ZNF20: variants seen among roughly 807,000 people sequenced by gnomAD.
ZNF20 encodes zinc finger protein KOX13.
ZNF20 carries 9 observed loss-of-function variants against 11.0 expected under a neutral mutation model. That is an observed-to-expected ratio of 0.82 (90% CI 0.49 to 1.43). ZNF20 has a LOEUF of 1.43. Ranked by LOEUF, ZNF20 falls within the 40% of genes most tolerant of loss-of-function variation. The pLI, the probability that ZNF20 is intolerant of heterozygous loss-of-function variation, is 0.00. For missense variants in ZNF20, 528 were observed against 640.8 expected (o/e 0.82, Z 1.90); for synonymous variants, 182 against 213.0 (o/e 0.85, Z 1.27).
chr19:12,140,109 C>T (rs1489583130), intron 1 of ZNF20, 71 bp downstream of exon 1: 5 of 1,555,446 alleles, frequency 3.2e-6, no homozygotes, highest in Non-Finnish European at 4.4e-6. Context: ...GCCCAGATCC[C>T]ACCACAGCCG....
rs1976699388 is a variant in ZNF20 at position 12,135,718 on chromosome 19, C to T, written c.139+51G>A. The T allele has an allele frequency of 1.1e-5, 17 of 1,607,942 alleles. No individual in the cohort carries two copies. The South Asian group carries it at 1.9e-4, about 18-fold the overall frequency. The stretch of plus-strand genomic sequence containing the variant: ...CAAATCAATGAACAGCATTGATGAG[C>T]TAGAAGCATTTGTTCTCTAATTCAC... On this transcript the variant is annotated intron_variant, in intron 2 of 3. Coordinates refer to ENST00000334213, the MANE Select transcript of ZNF20 (RefSeq NM_021143.4).
chr19:12,132,932 A>G lies in ZNF20; in HGVS notation c.1254T>C (p.Thr418=), dbSNP rs140674699. Residue 418 remains threonine (T), a synonymous_variant, in exon 4 of 4, where the codon ACT becomes ACC. Transcript: ENST00000334213. ...GCTTACATTCATGGGGCTTCTCTCC[A>G]GTGTGCGTCCTTTCATGTATACGCA... ...SSLRIHERTH[T]GEKPHECKQC... 1,727 of 1,614,194 alleles carry G rather than the reference A, an allele frequency of 1.1e-3. 20 individuals are homozygous for G. Among genetic ancestry groups the G allele is most frequent in the South Asian group, 9.9e-3 (902 of 91,082 alleles).
rs745939117 is a variant in ZNF20, at chr19:12,133,674, T to C, written c.512A>G (p.Tyr171Cys). ...GGTTTCTGTACATTCTTTACCATCA[T>C]AGGGTTTCTCTTTAGTGCAAGCTTT... is the stretch of plus-strand genomic sequence containing the variant. ...HDKACTKEKP[Y>C]DGKECTETFI... The change falls in exon 4 of 4, where the codon TAT (tyrosine) becomes TGT (cysteine). Residue 171 changes from tyrosine to cysteine, a missense_variant. Tyr to Cys is a radical substitution (Grantham distance 194). Coordinates refer to ENST00000334213, the MANE Select transcript of ZNF20 (RefSeq NM_021143.4). 2.5e-6 allele frequency: 4 copies of C among 1,614,230 alleles called. No individual in the cohort carries two copies. Among genetic ancestry groups the C allele is most frequent in the South Asian group, 1.1e-5 (1 of 91,088 alleles).
rs550933841 is a variant in ZNF20 at position 12,133,795 on chromosome 19, T to C, written c.391A>G (p.Lys131Glu). ...CCATATTCCTGATACTCAGATGACT[T>C]GTGTCCAGTGTCAGCTCTGATATGC... is the stretch of plus-strand genomic sequence containing the variant. ...NTHIRADTGH[K>E]SSEYQEYGEN... The change falls in exon 4 of 4, where the codon AAG (lysine) becomes GAG (glutamate). Residue 131 changes from lysine to glutamate, a missense_variant. By Grantham distance (56) the Lys-to-Glu change is moderately conservative. Transcript: ENST00000334213. 1.3e-4 allele frequency: 205 copies of C among 1,614,090 alleles called. No homozygotes were observed. Among genetic ancestry groups the C allele is most frequent in the Non-Finnish European group, 1.7e-4 (201 of 1,180,038 alleles).
At chr19:12,135,263 C>T (rs559917543) in intron 3 of ZNF20, among the ~76,000 whole-genome samples, 2 of 152,142 alleles carry the variant, frequency 1.3e-5, no homozygotes, top group East Asian at 1.9e-4. Flanking sequence ...CCTCAGCCTC[C>T]CAAGTAGCTG....
rs1307554437 is a variant in ZNF20, at chr19:12,132,105, C to T, written c.*482G>A. 1 of 156,954 alleles carries T rather than the reference C, an allele frequency of 6.4e-6. No homozygotes were observed. The highest frequency in any genetic ancestry group is 1.4e-5 in the Non-Finnish European group (1 of 71,114). The allele number at this position is 156,954 out of a possible 1,614,324, so 9.7% of individuals were successfully genotyped here. ...CTCAATCTATAGAAGAGTTGGGCAT[C>T]AGTGAGTATTTCCAGCCATAACAAC... On this transcript the variant is annotated 3_prime_UTR_variant, in exon 4 of 4. Coordinates refer to ENST00000334213, the MANE Select transcript of ZNF20 (RefSeq NM_021143.4).
intron 1 of ZNF20, among the ~76,000 whole-genome samples, chr19:12,138,107 G>A (rs1874448474): frequency 6.6e-6 from 1 of 152,134 alleles, no homozygotes; most frequent in Admixed American, 6.6e-5. Context: ...CCCAGGACCA[G>A]GAAAAGATAG....
chr19:12,139,171 A>G lies in ZNF20; in HGVS notation c.3+1009T>C, dbSNP rs973600410. Among the ~76,000 whole-genome samples, 2 of 152,150 alleles carry G rather than the reference A, an allele frequency of 1.3e-5. No homozygotes were observed. The highest frequency in any genetic ancestry group is 4.8e-5 in the African/African-American group (2 of 41,434). ...ACTTCAGCTATGAAAGGAAATACCTACTCCATAGGGCGTAAGCCAAGTAAA... is the reference window on the plus strand; with the variant it reads ...ACTTCAGCTATGAAAGGAAATACCTGCTCCATAGGGCGTAAGCCAAGTAAA... On this transcript the variant is annotated intron_variant, in intron 1 of 3. Transcript: ENST00000334213. The surrounding 1 kb of genome is among the most constrained non-coding windows in gnomAD (Gnocchi z 4.0).
At position 12,133,593 on chromosome 19, in the gene ZNF20, G is replaced by A. The variant is rs370109492; in HGVS notation, c.593C>T (p.Pro198Leu). 6.2e-7 allele frequency: 1 copy of A among 1,614,162 alleles called. No homozygotes were observed. The highest frequency in any genetic ancestry group is 8.5e-7 in the Non-Finnish European group (1 of 1,180,038). The change falls in exon 4 of 4, where the codon CCT (proline) becomes CTT (leucine). Residue 198 changes from proline to leucine, a missense_variant. Transcript: ENST00000334213. ...TTTCCCACAAAACTTACATTTATAAGGTCCATCTCCACTGTGCATTACCCT... is the reference window on the plus strand; with the variant it reads ...TTTCCCACAAAACTTACATTTATAAAGTCCATCTCCACTGTGCATTACCCT... ...RHRVMHSGDG[P>L]YKCKFCGKAF...
In ZNF20 at chr19:12,139,369, T is replaced by C. The variant is rs1189399576; in HGVS notation, c.3+811A>G. Among the ~76,000 whole-genome samples, 1 of 152,192 alleles carries C rather than the reference T, an allele frequency of 6.6e-6. No homozygotes were observed. Among genetic ancestry groups the C allele is most frequent in the African/African-American group, 2.4e-5 (1 of 41,442 alleles). ...AGTGTTAAATCCCTTCATTCCTTCCTTGCTTTGTGCGTTTTGTCCAATTCT... is the reference window on the plus strand; with the variant it reads ...AGTGTTAAATCCCTTCATTCCTTCCCTGCTTTGTGCGTTTTGTCCAATTCT... On this transcript the variant is annotated intron_variant, in intron 1 of 3. Coordinates refer to ENST00000334213, the MANE Select transcript of ZNF20 (RefSeq NM_021143.4). This position sits in a 1 kb window ranked among gnomAD's most constrained non-coding sequence, Gnocchi z 4.0.
chr19:12,140,003 G>A (rs1339821852), intron 1 of ZNF20, among the ~76,000 whole-genome samples, 177 bp downstream of exon 1: 2 of 152,166 alleles, frequency 1.3e-5, no homozygotes, highest in African/African-American at 4.8e-5. Flanking sequence ...CCGGGGTCCC[G>A]GCTGCCGGCC....
In ZNF20 at chr19:12,140,320, A is replaced by G. The variant is rs1209999438; in HGVS notation, c.-138T>C. 1.8e-6 allele frequency: 2 copies of G among 1,105,246 alleles called. No homozygotes were observed. The highest frequency in any genetic ancestry group is 2.7e-6 in the Non-Finnish European group (2 of 742,352). The allele number at this position is 1,105,246 out of a possible 1,614,324, so 68.5% of individuals were successfully genotyped here. The stretch of plus-strand genomic sequence containing the variant: ...GGAGTAGGAAATCTGGTATCCCGAC[A>G]ACAACCTGCATAGCAACAAAAGTAG... On this transcript the variant is annotated 5_prime_UTR_variant, in exon 1 of 4. Coordinates refer to ENST00000334213, the MANE Select transcript of ZNF20 (RefSeq NM_021143.4).
chr19:12,135,566 A>C lies in ZNF20; in HGVS notation c.140-6T>G, dbSNP rs781017326. 3.1e-6 allele frequency: 5 copies of C among 1,612,446 alleles called. No homozygotes were observed. The East Asian group carries it at 8.9e-5, about 29-fold the overall frequency. On this transcript the variant is annotated splice_region_variant and splice_polypyrimidine_tract_variant and intron_variant, in intron 2 of 3. Transcript: ENST00000334213. ...CTGAACTTTCCATGTTTTTCCTAAA[A>C]CACAGACCCGGAGAAAACACAGATC...
rs1249262209 is a variant in ZNF20, at chr19:12,139,720, C to T, written c.3+460G>A. ...TAATTTTTTGTATTTTTAGTAGAGACGGGGTTTCACTGTGTTAGCCTGGAT... is the reference window on the plus strand; with the variant it reads ...TAATTTTTTGTATTTTTAGTAGAGATGGGGTTTCACTGTGTTAGCCTGGAT... On this transcript the variant is annotated intron_variant, in intron 1 of 3. Transcript: ENST00000334213. The surrounding 1 kb of genome is among the most constrained non-coding windows in gnomAD (Gnocchi z 4.0). Among the ~76,000 whole-genome samples the T allele has an allele frequency of 6.6e-6, 1 of 151,860 alleles. No homozygotes were observed. Among genetic ancestry groups the T allele is most frequent in the Non-Finnish European group, 1.5e-5 (1 of 67,962 alleles).
chr19:12,133,654 CTG>C lies in ZNF20; in HGVS notation c.530_531del (p.Thr177ArgfsTer23). 2 of 1,614,182 alleles carry C rather than the reference CTG, an allele frequency of 1.2e-6. No individual in the cohort carries two copies. Among genetic ancestry groups the C allele is most frequent in the Non-Finnish European group, 1.7e-6 (2 of 1,180,026 alleles). ...ATGCATGAATGGGAAATGAAGGTTT[CTG>C]TACATTCTTTACCATCATAGGGTTT... The part of the protein sequence containing the change: ...KEKPYDGKEC[T>X]ETFISHSCIQ... On this transcript the variant is annotated frameshift_variant, in exon 4 of 4. Coordinates refer to ENST00000334213, the MANE Select transcript of ZNF20 (RefSeq NM_021143.4). LOFTEE classifies it low-confidence loss of function (END_TRUNC).
rs902325169 is a variant in ZNF20, at chr19:12,139,819, C to T, written c.3+361G>A. ...TGCTGGGATTACAAGCATGGTCCAC[C>T]GCGCCCGGCCCAAACTCTTTAACAG... On this transcript the variant is annotated intron_variant, in intron 1 of 3. Coordinates refer to ENST00000334213, the MANE Select transcript of ZNF20 (RefSeq NM_021143.4). This position sits in a 1 kb window ranked among gnomAD's most constrained non-coding sequence, Gnocchi z 4.0. 6.6e-6 allele frequency among the ~76,000 whole-genome samples: 1 copy of T among 152,096 alleles called. No homozygotes were observed. The highest frequency in any genetic ancestry group is 1.5e-5 in the Non-Finnish European group (1 of 68,002).
Position 12,133,696 on chromosome 19 carries a change from C to T in ZNF20, c.490G>A (p.Ala164Thr), listed in dbSNP as rs1568383139. 6.2e-7 allele frequency: 1 copy of T among 1,614,168 alleles called. No individual in the cohort carries two copies. Among genetic ancestry groups the T allele is most frequent in the Admixed American group, 1.7e-5 (1 of 60,028 alleles). ...TCATAGGGTTTCTCTTTAGTGCAAG[C>T]TTTATCATGTGATTGAAAGGAGTCA... is the stretch of plus-strand genomic sequence containing the variant. The part of the protein sequence containing the change: ...YLDSFQSHDK[A>T]CTKEKPYDGK... The change falls in exon 4 of 4, where the codon GCT becomes ACT. Residue 164 changes from alanine to threonine, a missense_variant. Physicochemically the swap from Ala to Thr is moderately conservative, Grantham distance 58. Transcript: ENST00000334213.
chr19:12,133,457 T>C lies in ZNF20; in HGVS notation c.729A>G (p.Pro243=), dbSNP rs1976658649. 1.2e-6 allele frequency: 2 copies of C among 1,614,146 alleles called. No individual in the cohort carries two copies. The highest frequency in any genetic ancestry group is 1.7e-6 in the Non-Finnish European group (2 of 1,179,980). Residue 243 remains proline, a synonymous_variant, in exon 4 of 4, where the codon CCA becomes CCG. Coordinates refer to ENST00000334213, the MANE Select transcript of ZNF20 (RefSeq NM_021143.4). ...GKAFTRSTTL[P]VHERTHTGVN... ...CTCCTGTGTGAGTTCTTTCATGTAC[T>C]GGAAGGGTAGTGGAACGAGTAAAGG...
chr19:12,136,987 G>A (rs1470967869), intron 1 of ZNF20: 15 of 347,536 alleles, frequency 4.3e-5, no homozygotes, highest in Non-Finnish European at 8.5e-5. Context: ...TTCATTATGG[G>A]TTTCACTTTC....
Sources: gnomAD v4.1 joint callset for allele counts (sites outside exome capture counted in the v4.1 genomes callset) on GRCh38, gnomAD v4.1.1 for gene constraint, Gnocchi (gnomAD v3.1) non-coding constraint, MANE v1.5 for transcripts, NCBI Gene and HGNC (gene_info 2026-07-23, HGNC 2026-07-21) for gene names.